The following ARID2 variants were observed in gnomAD, a reference collection of about 807,000 sequenced individuals.
ARID2 encodes the protein AT-rich interaction domain 2.
In ARID2, 32 loss-of-function variants were observed where a neutral mutation model predicts 184.6. The observed-to-expected ratio is 0.17, with a 90% CI of 0.13 to 0.23. The LOEUF is 0.23. ARID2 is among the 10% of genes least tolerant of loss of function. The pLI, the probability that ARID2 is intolerant of heterozygous loss-of-function variation, is 1.00. For missense variants in ARID2, 1,696 were observed against 2,197.6 expected, an observed-to-expected ratio of 0.77 and a Z score of 4.56; for synonymous variants, 836 against 772.6, an observed-to-expected ratio of 1.08 and a Z score of -1.36.
chr12:45,809,637 G>A (rs904390501), intron 3 of ARID2, among the ~76,000 whole-genome samples: 1 of 152,130 alleles, frequency 6.6e-6, no homozygotes, highest in Non-Finnish European at 1.5e-5. Flanking sequence ...ATATGTCTCT[G>A]CTTCAGTATG....
chr12:45,832,389 T>C (rs1309575022), intron 6 of ARID2, among the ~76,000 whole-genome samples: 1 of 152,232 alleles, frequency 6.6e-6, no homozygotes, highest in Non-Finnish European at 1.5e-5. Flanking sequence ...ATTTAGTTTC[T>C]TGGATCTGTG....
In ARID2 at chr12:45,849,717, C is replaced by T. The variant is rs2138157314; in HGVS notation, c.1853C>T (p.Ser618Phe). 6.2e-7 allele frequency: 1 copy of T among 1,613,820 alleles called. No individual in the cohort carries two copies. Among genetic ancestry groups the T allele is most frequent in the Non-Finnish European group, 8.5e-7 (1 of 1,179,806 alleles). The part of the protein sequence containing the change: ...IQMYYQQQPV[S>F]TSVVRVDSVP... ...ATGTACTATCAGCAGCAACCAGTTT[C>T]TACTTCTGTTGTTCGTGTTGATTCT... is the stretch of plus-strand genomic sequence containing the variant. Residue 618 changes from serine (S) to phenylalanine (F), a missense_variant, in exon 14 of 21, where the codon TCT (serine) becomes TTT (phenylalanine). Physicochemically the swap from Ser to Phe is radical, Grantham distance 155 (BLOSUM62 -2). Transcript: ENST00000334344.
chr12:45,752,770 A>G (rs1203473131), intron 3 of ARID2, among the ~76,000 whole-genome samples: 1 of 152,230 alleles, frequency 6.6e-6, no homozygotes, highest in East Asian at 1.9e-4. Context: ...TGCTGGCATT[A>G]CAGGCGTGAG....
At chr12:45,837,472 G>A (rs1592109037) in intron 9 of ARID2, 26 bp from the exon 10 acceptor site, 2 of 1,611,930 alleles carry the variant, frequency 1.2e-6, no homozygotes, top group East Asian at 2.2e-5. Context: ...TCATTTCTTA[G>A]TAATACATAT....
rs1940934033 is a variant in ARID2, at chr12:45,729,779, C to CG, written c.-52dup. 6.7e-7 allele frequency: 1 copy of CG among 1,489,170 alleles called. No homozygotes were observed. The highest frequency in any genetic ancestry group is 1.2e-5 in the South Asian group (1 of 83,006). The allele number at this position is 1,489,170 out of a possible 1,614,324, so 92.2% of individuals were successfully genotyped here. ...GGGCTCTGGTAGGAAGCGCTGGGAG[C>CG]GGGGGGCGCTTTTAAAACACCGATC... On this transcript the variant is annotated 5_prime_UTR_variant, in exon 1 of 21. It removes the in-frame stop codon of an upstream open reading frame in the 5' UTR. Coordinates refer to ENST00000334344, the MANE Select transcript of ARID2 (RefSeq NM_152641.4).
chr12:45,860,533 ATCTT>A (rs1943724953), intron 15 of ARID2, among the ~76,000 whole-genome samples: 2 of 151,786 alleles, frequency 1.3e-5, no homozygotes, highest in Non-Finnish European at 2.9e-5. Flanking sequence ...CATCCTAAAA[ATCTT>A]TATTTTAAAT....
At chr12:45,871,706 A>G (rs1943928722) in intron 16 of ARID2, among the ~76,000 whole-genome samples, 1 of 152,014 alleles carries the variant, frequency 6.6e-6, no homozygotes, top group South Asian at 2.1e-4. Flanking sequence ...TCCTTTAATT[A>G]TTTGTTGTGA....
intron 3 of ARID2, among the ~76,000 whole-genome samples, chr12:45,779,012 C>T (rs1367076263): frequency 6.6e-6 from 1 of 151,832 alleles, no homozygotes; most frequent in African/African-American, 2.4e-5. Flanking sequence ...ATAACTTTTC[C>T]ATATCTTTAG....
At position 45,905,122 on chromosome 12, in the gene ARID2, A is replaced by G. The variant is rs1263707812; in HGVS notation, c.*44A>G. On this transcript the variant is annotated 3_prime_UTR_variant, in exon 21 of 21. Transcript: ENST00000334344. Reference sequence around the variant, plus strand: ...CAGTGGGGGACTCAAAGTCAGCCACATTTCACATACTGTTACTGAAGAAAG... The same window carrying G: ...CAGTGGGGGACTCAAAGTCAGCCACGTTTCACATACTGTTACTGAAGAAAG... 2 of 1,590,614 alleles carry G rather than the reference A, an allele frequency of 1.3e-6. No homozygotes were observed. Among genetic ancestry groups the G allele is most frequent in the Non-Finnish European group, 1.7e-6 (2 of 1,166,404 alleles).
At chr12:45,818,016 A>C in intron 5 of ARID2, 128 bp downstream of exon 5, 1 of 634,792 alleles carries the variant, frequency 1.6e-6, no homozygotes, top group East Asian at 3.0e-5. Context: ...TATATTATGC[A>C]TTATTTAAGA....
At chr12:45,825,020 T>C (rs532856680) in intron 6 of ARID2, among the ~76,000 whole-genome samples, 1 of 152,074 alleles carries the variant, frequency 6.6e-6, no homozygotes, top group Non-Finnish European at 1.5e-5. Context: ...ATGTTCTCAC[T>C]CGTATGTGGG....
chr12:45,731,053 T>C (rs183605456), intron 2 of ARID2, among the ~76,000 whole-genome samples, 164 bp from the exon 3 acceptor site: 3 of 151,406 alleles, frequency 2.0e-5, no homozygotes, highest in African/African-American at 7.3e-5. Flanking sequence ...GAAAACACAG[T>C]GATTCAAGAA....
intron 3 of ARID2, among the ~76,000 whole-genome samples, chr12:45,795,418 C>T (rs941811799): frequency 7.9e-5 from 12 of 151,892 alleles, no homozygotes; most frequent in African/African-American, 1.7e-4. Context: ...CTTCCTCCGT[C>T]TTCCTTTTCT....
At chr12:45,816,685 T>C (rs1942810041) in intron 4 of ARID2, among the ~76,000 whole-genome samples, 1 of 152,148 alleles carries the variant, frequency 6.6e-6, no homozygotes, top group Non-Finnish European at 1.5e-5. Context: ...GTCCCTCAAC[T>C]AGGGAATGGA....
intron 8 of ARID2, 130 bp from the exon 9 acceptor site, chr12:45,837,191 T>C (rs1455775264): frequency 1.8e-6 from 2 of 1,122,720 alleles, no homozygotes; most frequent in Non-Finnish European, 2.5e-6. Flanking sequence ...AATTCAGAAA[T>C]GGCTATTTTT....
chr12:45,894,663 TGTTAC>T (rs1944345724), intron 20 of ARID2, among the ~76,000 whole-genome samples: 1 of 152,194 alleles, frequency 6.6e-6, no homozygotes, highest in African/African-American at 2.4e-5. Context: ...CAATGACAAA[TGTTAC>T]TATATTTATT....
intron 15 of ARID2, among the ~76,000 whole-genome samples, chr12:45,854,225 A>G (rs1345277739): frequency 6.6e-6 from 1 of 152,154 alleles, no homozygotes; most frequent in Non-Finnish European, 1.5e-5. Flanking sequence ...GCCCCCAATG[A>G]TTCTACATTA....
chr12:45,748,019 T>G (rs1941391898), intron 3 of ARID2, among the ~76,000 whole-genome samples: 1 of 152,180 alleles, frequency 6.6e-6, no homozygotes, highest in Non-Finnish European at 1.5e-5. Flanking sequence ...ACAAGTTATG[T>G]TTATATTATA....
chr12:45,902,454 CTT>C (rs1045057502), intron 20 of ARID2, among the ~76,000 whole-genome samples: 1 of 151,678 alleles, frequency 6.6e-6, no homozygotes, highest in Admixed American at 6.6e-5. Flanking sequence ...AAACTAAAGT[CTT>C]TTTTCTTTCT....
Sources: gnomAD v4.1 joint callset for allele counts (sites outside exome capture counted in the v4.1 genomes callset) on GRCh38, gnomAD v4.1.1 for gene constraint, MANE v1.5 for transcripts, NCBI Gene and HGNC (gene_info 2026-07-23, HGNC 2026-07-21) for gene names.